SLC35F4: variants seen among roughly 807,000 people sequenced by gnomAD.
SLC35F4 encodes solute carrier family 35 member F4.
SLC35F4 carries 24 observed loss-of-function variants against 44.2 expected under a neutral mutation model. That is an observed-to-expected ratio of 0.54 (90% confidence interval 0.39 to 0.76). The LOEUF (loss-of-function observed/expected upper bound fraction) is 0.76. Among genes scored for constraint, SLC35F4 ranks in the 30% least tolerant of loss-of-function variants. The probability of loss-of-function intolerance (pLI) is 0.00; values close to 1 mark genes in which losing one functional copy is unlikely to be tolerated. For synonymous variants in SLC35F4, 238 were observed against 223.6 expected (o/e 1.06, Z -0.57); for missense variants, 562 against 586.1 (o/e 0.96, Z 0.42).
chr14:57,935,007 G>A (rs948389070), intron 1 of SLC35F4, among the ~76,000 whole-genome samples: 3 of 152,164 alleles, frequency 2.0e-5, no homozygotes, highest in Admixed American at 2.0e-4. Flanking sequence ...CAGTATTCCA[G>A]GTGAGCATAC....
At chr14:57,781,953 C>T (rs2077631728) in intron 1 of SLC35F4, among the ~76,000 whole-genome samples, 1 of 152,104 alleles carries the variant, frequency 6.6e-6, no homozygotes, top group African/African-American at 2.4e-5. Flanking sequence ...GAAAAAATAA[C>T]TATTGGTTAC....
chr14:57,765,237 A>T (rs973208451), intron 1 of SLC35F4, among the ~76,000 whole-genome samples: 1 of 152,234 alleles, frequency 6.6e-6, no homozygotes, highest in Non-Finnish European at 1.5e-5. Context: ...CTAAAGGGCA[A>T]GATGTAGATA....
chr14:57,950,955 A>G (rs982174112), intron 1 of SLC35F4, among the ~76,000 whole-genome samples: 9 of 151,970 alleles, frequency 5.9e-5, no homozygotes, highest in African/African-American at 1.7e-4. Context: ...ACGAGCCACC[A>G]CGCCCGGCCT....
rs1566640092 is a variant in SLC35F4, at chr14:57,581,249, A to AT, written c.771dup (p.Trp258MetfsTer31). The AT allele has an allele frequency of 6.2e-7, 1 of 1,605,634 alleles. No individual in the cohort carries two copies. Among genetic ancestry groups the AT allele is most frequent in the Non-Finnish European group, 8.5e-7 (1 of 1,176,360 alleles). On this transcript the variant is annotated frameshift_variant, in exon 4 of 8. Coordinates refer to ENST00000556826, the MANE Select transcript of SLC35F4 (RefSeq NM_001306087.2). LOFTEE classifies it high-confidence loss of function. ...ATGAACCTGTCTTTCAGCACAATCC[A>AT]TGACAGCAAGAAGACAAAGGCTTTG...
downstream of SLC35F4, among the ~76,000 whole-genome samples, chr14:57,972,227 T>C (rs368526698): frequency 2.6e-5 from 4 of 152,318 alleles, no homozygotes; most frequent in African/African-American, 9.6e-5. Context: ...AGTGTTTCAT[T>C]TTGTTCTAAA....
chr14:57,865,888 G>C lies in SLC35F4; in HGVS notation c.-63C>G. ...GGAGAGCGCAGCGCGGGGCCCGGGA[G>C]CTGGTGCAGGTGCCGGAGCCGCTGG... On this transcript the variant is annotated 5_prime_UTR_variant, in exon 1 of 8. Transcript: ENST00000556826. The C allele has an allele frequency of 8.2e-7, 1 of 1,217,194 alleles. No homozygotes were observed. The highest frequency in any genetic ancestry group is 1.1e-6 in the Non-Finnish European group (1 of 897,926). The allele number at this position is 1,217,194 out of a possible 1,614,324, so 75.4% of individuals were successfully genotyped here. A position where few individuals can be genotyped will look rare whatever the true frequency, so the allele number is the denominator to read the frequency against.
intron 1 of SLC35F4, among the ~76,000 whole-genome samples, chr14:57,919,727 T>C (rs1889404766): frequency 6.6e-6 from 1 of 152,114 alleles, no homozygotes; most frequent in Non-Finnish European, 1.5e-5. Flanking sequence ...AGCCGGGATG[T>C]GCAGAGAAGG....
At chr14:57,696,428 C>T (rs922258736) in intron 1 of SLC35F4, among the ~76,000 whole-genome samples, 21 of 152,126 alleles carry the variant, frequency 1.4e-4, no homozygotes, top group East Asian at 5.8e-4. Flanking sequence ...CAGATGCTGG[C>T]GAGGATGTGG....
At chr14:57,956,083 C>T (rs1026670998) in intron 1 of SLC35F4, among the ~76,000 whole-genome samples, 1 of 151,962 alleles carries the variant, frequency 6.6e-6, no homozygotes, top group African/African-American at 2.4e-5. Flanking sequence ...GTACTGGTAC[C>T]AAAAAAGATA....
intron 1 of SLC35F4, among the ~76,000 whole-genome samples, chr14:57,762,788 G>A (rs1250404455): frequency 3.3e-5 from 5 of 152,038 alleles, no homozygotes; most frequent in South Asian, 2.1e-4. Context: ...ATGATGCAGC[G>A]AGAAAGCCCT....
At chr14:57,618,230 G>T (rs1044407441) in intron 1 of SLC35F4, among the ~76,000 whole-genome samples, 2 of 152,182 alleles carry the variant, frequency 1.3e-5, no homozygotes, top group Non-Finnish European at 2.9e-5. Flanking sequence ...TCCAGTCATC[G>T]TGGCAGCTTA....
At chr14:57,649,284 G>C (rs1227571371) in intron 1 of SLC35F4, among the ~76,000 whole-genome samples, 1 of 152,160 alleles carries the variant, frequency 6.6e-6, no homozygotes, top group Non-Finnish European at 1.5e-5. Flanking sequence ...TTATATTGCA[G>C]TTTTGGTGGT....
At chr14:57,640,763 A>G (rs948888352) in intron 1 of SLC35F4, among the ~76,000 whole-genome samples, 2 of 152,020 alleles carry the variant, frequency 1.3e-5, no homozygotes, top group Non-Finnish European at 2.9e-5. Context: ...CTCTGTCAAA[A>G]TAACACTTAG....
At chr14:57,791,509 G>A (rs532566479) in intron 1 of SLC35F4, among the ~76,000 whole-genome samples, 2 of 152,288 alleles carry the variant, frequency 1.3e-5, no homozygotes, top group African/African-American at 4.8e-5. Context: ...TGGAGAAAGA[G>A]GAATGCTTAT....
chr14:57,950,675 C>CTTTT (rs59027196), intron 1 of SLC35F4, among the ~76,000 whole-genome samples: 2 of 127,212 alleles, frequency 1.6e-5, no homozygotes, highest in Admixed American at 8.0e-5. Context: ...TTCTTTCTTT[C>CTTTT]TTTTTTTTTT....
At chr14:57,741,612 G>C (rs1253589992) in intron 1 of SLC35F4, among the ~76,000 whole-genome samples, 1 of 152,160 alleles carries the variant, frequency 6.6e-6, no homozygotes, top group Non-Finnish European at 1.5e-5. Context: ...TAAGTCTGAT[G>C]GGTGTACCTG....
chr14:57,749,846 C>T (rs1037182245), intron 1 of SLC35F4, among the ~76,000 whole-genome samples: 1 of 152,086 alleles, frequency 6.6e-6, no homozygotes, highest in African/African-American at 2.4e-5. Context: ...ATATTCATTC[C>T]CAAGTATCTC....
At chr14:57,735,883 G>A (rs548987909) in intron 1 of SLC35F4, among the ~76,000 whole-genome samples, 4 of 151,940 alleles carry the variant, frequency 2.6e-5, no homozygotes, top group East Asian at 1.9e-4. Flanking sequence ...CACCACCCCC[G>A]GCTAATTTAT....
intron 1 of SLC35F4, among the ~76,000 whole-genome samples, chr14:57,621,418 C>T (rs79331072): frequency 0.61 from 92,061 of 151,476 alleles, 30,313 homozygotes; most frequent in Non-Finnish European, 0.74. Flanking sequence ...CTTCAAACTA[C>T]ACTACAAGGC....
Sources: allele counts gnomAD v4.1 joint callset (sites outside exome capture counted in the v4.1 genomes callset), GRCh38; gene constraint gnomAD v4.1.1; transcripts MANE v1.5; gene names NCBI Gene and HGNC (gene_info 2026-07-23, HGNC 2026-07-21).